MYO9B: variants seen among roughly 807,000 people sequenced by gnomAD.
MYO9B encodes the protein myosin IXB, also known as unconventional myosin-IXb.
MYO9B carries 71 observed loss-of-function variants against 229.5 expected under a neutral mutation model. The observed-to-expected ratio is 0.31, with a 90% CI of 0.26 to 0.38. The LOEUF is 0.38. Among genes scored for constraint, MYO9B ranks in the 10% least tolerant of loss-of-function variants. The pLI is 1.00. For synonymous variants in MYO9B, 1,185 were observed against 1,235.8 expected, an observed-to-expected ratio of 0.96 and a Z score of 0.86; for missense variants, 2,255 against 2,920.5, an observed-to-expected ratio of 0.77 and a Z score of 5.25.
intron 30 of MYO9B, among the ~76,000 whole-genome samples, chr19:17,203,820 T>C (rs1433551490): frequency 6.6e-6 from 1 of 151,958 alleles, no homozygotes; most frequent in Non-Finnish European, 1.5e-5. Context: ...CCTCTCTGTC[T>C]CTGTACACGC....
intron 2 of MYO9B, among the ~76,000 whole-genome samples, chr19:17,107,782 G>C (rs1249835602): frequency 2.0e-5 from 3 of 152,178 alleles, no homozygotes; most frequent in Non-Finnish European, 2.9e-5. Flanking sequence ...CACCACTCAT[G>C]GGATGTAGGG....
rs1415889557 is a variant in MYO9B at position 17,195,986 on chromosome 19, G to A, written c.4046+513G>A. On this transcript the variant is annotated intron_variant, in intron 22 of 39. Transcript: ENST00000682292. The surrounding 1 kb of genome is among the most constrained non-coding windows in gnomAD (Gnocchi z 4.5). ...AGGCCTGCTCAGCCTCCCACTGCTC[G>A]TATTGGGGGCCAGATCATTCTCTGC... Among the ~76,000 whole-genome samples, 3 of 151,890 alleles carry A rather than the reference G, an allele frequency of 2.0e-5. No homozygotes were observed. Among genetic ancestry groups the A allele is most frequent in the Non-Finnish European group, 1.5e-5 (1 of 67,980 alleles).
chr19:17,186,056 T>G (rs1599404760), intron 18 of MYO9B, 55 bp downstream of exon 18: 3 of 1,521,236 alleles, frequency 2.0e-6, no homozygotes, highest in Non-Finnish European at 2.7e-6. Context: ...CTCTTAGGGG[T>G]GTCGGTGTCC....
rs1271397335 is a variant in MYO9B at position 17,194,599 on chromosome 19, G to A, written c.3172G>A (p.Glu1058Lys). 1 of 1,612,918 alleles carries A rather than the reference G, an allele frequency of 6.2e-7. No homozygotes were observed. Among genetic ancestry groups the A allele is most frequent in the South Asian group, 1.1e-5 (1 of 91,086 alleles). ...ISEKQKAEEK[E>K]REALEAARAG... is the part of the protein sequence containing the mutation. ...GGAGAAGCAGAAGGCAGAAGAGAAG[G>A]AGAGGGAAGCCCTGGAAGCCGCAAG... is the stretch of plus-strand genomic sequence containing the variant. Residue 1058 changes from glutamate to lysine, a missense_variant, in exon 22 of 40, where the codon GAG (glutamate) becomes AAG (lysine). By Grantham distance (56) the Glu-to-Lys change is moderately conservative. This residue lies in a region of MYO9B where 679 missense variants were observed against 770.2 expected (regional missense o/e 0.88). Coordinates refer to ENST00000682292, the MANE Select transcript of MYO9B (RefSeq NM_004145.4).
Position 17,205,971 on chromosome 19 carries a change from C to A in MYO9B, c.5076C>A (p.Gly1692=). The A allele has an allele frequency of 6.4e-7, 1 of 1,562,084 alleles. No homozygotes were observed. The highest frequency in any genetic ancestry group is 8.7e-7 in the Non-Finnish European group (1 of 1,151,410). ...CCCCGGCACTGCAGGGCGAGCCAGG[C>A]GTTGAGCCTGGCCACTTCGGCGTGT... is the stretch of plus-strand genomic sequence containing the variant. ...SYTYGRKGEP[G]VEPGHFGVCV... Residue 1692 remains glycine, a synonymous_variant, in exon 32 of 40, where the codon GGC becomes GGA. Transcript: ENST00000682292.
chr19:17,205,268 A>C lies in MYO9B; in HGVS notation c.4996A>C (p.Lys1666Gln), dbSNP rs919802706. The change falls in exon 31 of 40, where the codon AAG becomes CAG. Residue 1666 changes from lysine (K) to glutamine (Q), a missense_variant. Physicochemically the swap from Lys to Gln is moderately conservative, Grantham distance 53. Coordinates refer to ENST00000682292, the MANE Select transcript of MYO9B (RefSeq NM_004145.4). The stretch of plus-strand genomic sequence containing the variant: ...CCACCCTGTGGACCTCCTAGTGTGC[A>C]AGATGACCTGCCACAAGAAGTGCGT... ...MDKALLCSVCKMTCHKKCVHK... is the reference protein window; with the variant it reads ...MDKALLCSVCQMTCHKKCVHK... 45 of 1,613,548 alleles carry C rather than the reference A, an allele frequency of 2.8e-5. No individual in the cohort carries two copies. Among genetic ancestry groups the C allele is most frequent in the Non-Finnish European group, 3.7e-5 (44 of 1,179,796 alleles).
At chr19:17,145,180 G>T (rs2072393927) in intron 2 of MYO9B, among the ~76,000 whole-genome samples, 1 of 151,836 alleles carries the variant, frequency 6.6e-6, no homozygotes, top group African/African-American at 2.4e-5. Context: ...GGAGGCTGAG[G>T]CATGAGAATT....
chr19:17,172,606 C>G lies in MYO9B; in HGVS notation c.1935+129C>G. 1 of 1,459,862 alleles carries G rather than the reference C, an allele frequency of 6.8e-7. No individual in the cohort carries two copies. Among genetic ancestry groups the G allele is most frequent in the Non-Finnish European group, 9.3e-7 (1 of 1,074,050 alleles). The allele number at this position is 1,459,862 out of a possible 1,614,324, so 90.4% of individuals were successfully genotyped here. A position where few individuals can be genotyped will look rare whatever the true frequency, so the allele number is the denominator to read the frequency against. The stretch of plus-strand genomic sequence containing the variant: ...CAGAACCCACCGCGAATCCCCGGCT[C>G]CAATGTCCAAGGCGCCATAGTTCAA... On this transcript the variant is annotated intron_variant, in intron 12 of 39. Transcript: ENST00000682292. The surrounding 1 kb of genome is among the most constrained non-coding windows in gnomAD (Gnocchi z 8.2).
At chr19:17,207,344 G>T in intron 35 of MYO9B, 100 bp downstream of exon 35, 1 of 1,471,124 alleles carries the variant, frequency 6.8e-7, no homozygotes. Flanking sequence ...TGTAAGAAAA[G>T]TCCAGAGCCG....
Position 17,202,249 on chromosome 19 carries a change from A to G in MYO9B, c.4782A>G (p.Ser1594=). The change falls in exon 28 of 40, where the codon TCA becomes TCG. Residue 1594 remains serine (S), a synonymous_variant. Transcript: ENST00000682292. ...DTNLVLNLFQ[S]LLDEFTRGYT... is the part of the protein sequence containing the mutation. The stretch of plus-strand genomic sequence containing the variant: ...ACCTGGTCCTCAACCTCTTCCAGTC[A>G]CTGCTAGATGAGTTCACCCGTGGCT... 2 of 1,602,024 alleles carry G rather than the reference A, an allele frequency of 1.2e-6. No homozygotes were observed. Among genetic ancestry groups the G allele is most frequent in the South Asian group, 2.2e-5 (2 of 89,374 alleles).
At position 17,101,307 on chromosome 19, in the gene MYO9B, A is replaced by T. The variant is rs2057742368; in HGVS notation, c.-58-353A>T. 6.6e-6 allele frequency among the ~76,000 whole-genome samples: 1 copy of T among 151,660 alleles called. No homozygotes were observed. Among genetic ancestry groups the T allele is most frequent in the African/African-American group, 2.4e-5 (1 of 41,280 alleles). On this transcript the variant is annotated intron_variant, in intron 1 of 39. Coordinates refer to ENST00000682292, the MANE Select transcript of MYO9B (RefSeq NM_004145.4). The surrounding 1 kb of genome is among the most constrained non-coding windows in gnomAD (Gnocchi z 4.7). Reference sequence around the variant, plus strand: ...ATCCTCCCATCTCAGCCTCCTGAGGAGCTGGGACCACAGGCGAGCACCACT... The same window carrying T: ...ATCCTCCCATCTCAGCCTCCTGAGGTGCTGGGACCACAGGCGAGCACCACT...
At chr19:17,180,859 G>A (rs763739894) in intron 14 of MYO9B, 68 bp from the exon 15 acceptor site, 10 of 1,098,684 alleles carry the variant, frequency 9.1e-6, no homozygotes, top group Non-Finnish European at 1.3e-5. Flanking sequence ...TGGGAACCCC[G>A]AGGTGGCAGG....
chr19:17,109,695 C>T (rs1358637335), intron 2 of MYO9B, among the ~76,000 whole-genome samples: 2 of 152,196 alleles, frequency 1.3e-5, no homozygotes, highest in Non-Finnish European at 2.9e-5. Flanking sequence ...GTTCTGGTGG[C>T]TTCAGCCATC....
rs539852694 is a variant in MYO9B, at chr19:17,192,912, A to G, written c.2978A>G (p.Tyr993Cys). 2 of 1,549,896 alleles carry G rather than the reference A, an allele frequency of 1.3e-6. No homozygotes were observed. The highest frequency in any genetic ancestry group is 1.4e-5 in the African/African-American group (1 of 73,040). ...AVTIQACWRS[Y>C]RVRRALERTQ... ...ACCATCCAGGCCTGCTGGCGGTCCT[A>G]CCGGGTCCGGAGGGCGCTGGAGAGG... The change falls in exon 21 of 40, where the codon TAC (tyrosine) becomes TGC (cysteine). Residue 993 changes from tyrosine to cysteine, a missense_variant. Physicochemically the swap from Tyr to Cys is radical, Grantham distance 194. Around this residue, in one of 7 missense-constraint regions of MYO9B, gnomAD observed 679 missense variants for 770.2 expected, o/e 0.88. Coordinates refer to ENST00000682292, the MANE Select transcript of MYO9B (RefSeq NM_004145.4).
In MYO9B at chr19:17,211,710, C is replaced by CTCGG; in HGVS notation, c.5995_5998dup (p.Glu2000ValfsTer201). 1 of 1,612,456 alleles carries CTCGG rather than the reference C, an allele frequency of 6.2e-7. No homozygotes were observed. The highest frequency in any genetic ancestry group is 8.5e-7 in the Non-Finnish European group (1 of 1,179,626). The stretch of plus-strand genomic sequence containing the variant: ...GGGGCTCGGACGAGGAGAACCTGGA[C>CTCGG]TCGGAGACGTCGGCCAGCACCGAGA... On this transcript the variant is annotated frameshift_variant, in exon 39 of 40. Transcript: ENST00000682292. LOFTEE classifies it high-confidence loss of function.
chr19:17,170,578 G>A (rs1194979313), intron 11 of MYO9B, among the ~76,000 whole-genome samples: 4 of 148,112 alleles, frequency 2.7e-5, no homozygotes, highest in African/African-American at 1.0e-4. Context: ...TTGGGAGGCC[G>A]AGGTGGAGGA....
intron 2 of MYO9B, among the ~76,000 whole-genome samples, chr19:17,124,354 G>A (rs2057994134): frequency 6.6e-6 from 1 of 152,066 alleles, no homozygotes; most frequent in Admixed American, 6.6e-5. Context: ...CCTATGTCAG[G>A]TAAAGAGAAA....
At chr19:17,166,868 T>C (rs1161131860) in intron 10 of MYO9B, among the ~76,000 whole-genome samples, 1 of 152,230 alleles carries the variant, frequency 6.6e-6, no homozygotes, top group East Asian at 1.9e-4. Flanking sequence ...TATTCCTTGA[T>C]GTATATGCAC....
At chr19:17,202,335 G>C in intron 28 of MYO9B, 32 bp downstream of exon 28, 1 of 1,539,110 alleles carries the variant, frequency 6.5e-7, no homozygotes, top group Non-Finnish European at 8.8e-7. Context: ...GCCCACCTGT[G>C]ACATGCCACG....
Sources: gnomAD v4.1 joint callset for allele counts (sites outside exome capture counted in the v4.1 genomes callset) on GRCh38, gnomAD v4.1.1 for gene constraint, gnomAD v4.1.1 regional missense constraint, Gnocchi (gnomAD v3.1) non-coding constraint, MANE v1.5 for transcripts, NCBI Gene and HGNC (gene_info 2026-07-23, HGNC 2026-07-21) for gene names.